The following TRAP1 variants were observed in gnomAD, a reference collection of about 807,000 sequenced individuals.
TRAP1 encodes heat shock protein 75 kDa, mitochondrial.
Under a neutral mutation model 89.1 loss-of-function variants are expected in TRAP1, and 102 were observed. That is an observed-to-expected ratio of 1.15 (90% CI 0.98 to 1.35). The LOEUF is 1.35. TRAP1 is among the 40% of genes most tolerant of loss of function. The pLI is 0.00. For synonymous variants in TRAP1, 508 were observed against 388.0 expected (o/e 1.31, Z -3.64); for missense variants, 1,256 against 945.3 (o/e 1.33, Z -4.31).
intron 12 of TRAP1, 59 bp from the exon 13 acceptor site, chr16:3,664,518 A>G: frequency 6.5e-7 from 1 of 1,527,372 alleles, no homozygotes; most frequent in Non-Finnish European, 8.8e-7. Context: ...ATGTTGCCCA[A>G]CTAACTGGGC....
chr16:3,694,419 C>G (rs1451055699), intron 1 of TRAP1, among the ~76,000 whole-genome samples: 2 of 152,066 alleles, frequency 1.3e-5, no homozygotes, highest in African/African-American at 2.4e-5. Context: ...TCTCAGCTCA[C>G]TGCAACCTCT....
At chr16:3,683,206 A>C (rs919805403) in intron 4 of TRAP1, among the ~76,000 whole-genome samples, 5 of 152,010 alleles carry the variant, frequency 3.3e-5, no homozygotes, top group African/African-American at 1.2e-4. Flanking sequence ...AAAACAAGGA[A>C]AGTCTGAGAA....
chr16:3,674,592 A>C, intron 8 of TRAP1, 98 bp from the exon 9 acceptor site: 1 of 1,452,692 alleles, frequency 6.9e-7, no homozygotes, highest in South Asian at 1.3e-5. Context: ...GGCCCTGGAC[A>C]GGCTCCTGGG....
chr16:3,667,758 T>A (rs868851850), intron 11 of TRAP1, among the ~76,000 whole-genome samples: 46,383 of 107,362 alleles, frequency 0.43, 8,207 homozygotes, highest in East Asian at 0.61. Context: ...AACACATCAA[T>A]TTTTTTTTTT....
At chr16:3,709,259 T>C (rs972146387) in intron 1 of TRAP1, among the ~76,000 whole-genome samples, 5 of 147,678 alleles carry the variant, frequency 3.4e-5, no homozygotes, top group Admixed American at 6.7e-5. Flanking sequence ...AAAAAGGCCA[T>C]TGGTTCAAGA....
chr16:3,713,862 G>A (rs1035419390), intron 1 of TRAP1, among the ~76,000 whole-genome samples: 1 of 152,214 alleles, frequency 6.6e-6, no homozygotes, highest in Non-Finnish European at 1.5e-5. Flanking sequence ...CCACGTGGCT[G>A]GGCTCCCCAC....
intron 8 of TRAP1, 147 bp from the exon 9 acceptor site, chr16:3,674,641 GCCCCAC>G: frequency 2.1e-6 from 2 of 949,322 alleles, no homozygotes; most frequent in Non-Finnish European, 3.1e-6. Context: ...CCCCTCTCCA[GCCCCAC>G]CGCTGGGCTA....
chr16:3,658,936 A>G (rs1416446537), intron 16 of TRAP1, 71 bp from the exon 17 acceptor site: 1 of 1,504,672 alleles, frequency 6.6e-7, no homozygotes, highest in Non-Finnish European at 9.2e-7. Flanking sequence ...ATGTTTTGGG[A>G]TTATCAGGAT....
intron 1 of TRAP1, among the ~76,000 whole-genome samples, chr16:3,709,057 C>T (rs2051490429): frequency 6.6e-6 from 1 of 151,558 alleles, no homozygotes; most frequent in Non-Finnish European, 1.5e-5. Flanking sequence ...CCTCATGATC[C>T]GCCCGCCTCG....
chr16:3,669,242 G>A (rs1488258751), intron 11 of TRAP1, among the ~76,000 whole-genome samples: 1 of 152,156 alleles, frequency 6.6e-6, no homozygotes, highest in African/African-American at 2.4e-5. Context: ...AGTGCACAGG[G>A]TCAGTACACC....
chr16:3,708,600 G>A (rs927763614), intron 1 of TRAP1, among the ~76,000 whole-genome samples: 1 of 152,036 alleles, frequency 6.6e-6, no homozygotes, highest in African/African-American at 2.4e-5. Flanking sequence ...TTGTACCACT[G>A]CACTCCAGCC....
At position 3,675,384 on chromosome 16, in the gene TRAP1, C is replaced by T; in HGVS notation, c.828G>A (p.Lys276=). Residue 276 remains lysine (K), a synonymous_variant, in exon 8 of 18, where the codon AAG becomes AAA. Coordinates refer to ENST00000246957, the MANE Select transcript of TRAP1 (RefSeq NM_016292.3). ...AGGGGAAGCTGACGAAGTTGCTGTA[C>T]TTCGTTACCACATCTGGAAGGGACA... ...SEARVRDVVT[K]YSNFVSFPLY... 6.2e-7 allele frequency: 1 copy of T among 1,614,114 alleles called. No individual in the cohort carries two copies. Among genetic ancestry groups the T allele is most frequent in the Non-Finnish European group, 8.5e-7 (1 of 1,179,956 alleles).
At chr16:3,693,720 C>T (rs779011791) in intron 1 of TRAP1, among the ~76,000 whole-genome samples, 83 of 152,282 alleles carry the variant, frequency 5.5e-4, no homozygotes, top group Middle Eastern at 3.4e-3. Context: ...GAGCCAGGCA[C>T]ACAACCTCAC....
At chr16:3,672,912 G>A in intron 9 of TRAP1, 92 bp from the exon 10 acceptor site, 1 of 1,466,148 alleles carries the variant, frequency 6.8e-7, no homozygotes, top group Non-Finnish European at 9.0e-7. Flanking sequence ...TGAATCCAGA[G>A]CCCACTCCCG....
chr16:3,677,252 C>T (rs933071298), intron 6 of TRAP1, among the ~76,000 whole-genome samples: 1 of 152,118 alleles, frequency 6.6e-6, no homozygotes, highest in Non-Finnish European at 1.5e-5. Flanking sequence ...GAGAAAGGAG[C>T]TCAGCGCGGG....
At position 3,710,873 on chromosome 16, in the gene TRAP1, A is replaced by ATTTTTTT. The variant is rs199927286; in HGVS notation, c.88+6547_88+6548insAAAAAAA. Among the ~76,000 whole-genome samples the ATTTTTTT allele has an allele frequency of 5.8e-3, 613 of 105,914 alleles. 9 individuals are homozygous for ATTTTTTT. The highest frequency in any genetic ancestry group is 0.028 in the African/African-American group (573 of 20,566). 69.5% of individuals were successfully genotyped at this position (105,914 alleles called of 152,430 possible). ...TGTGTGTGTGTATATATATATATAT[A>ATTTTTTT]TATATATTTTTTTTTTTGAGACACT... On this transcript the variant is annotated intron_variant, in intron 1 of 17. Transcript: ENST00000246957.
chr16:3,717,409 G>A lies in TRAP1; in HGVS notation c.88+12C>T. 3 of 1,129,358 alleles carry A rather than the reference G, an allele frequency of 2.7e-6. No homozygotes were observed. Among genetic ancestry groups the A allele is most frequent in the Non-Finnish European group, 3.4e-6 (3 of 891,774 alleles). 70.0% of individuals were successfully genotyped at this position (1,129,358 alleles called of 1,614,324 possible). A position where few individuals can be genotyped will look rare whatever the true frequency, so the allele number is the denominator to read the frequency against. Reference sequence around the variant, plus strand: ...GGCCCGCCCGCTGCCCGTCCAGCCAGGACGCCCTCACCTCCCGGCACGGCC... The same window carrying A: ...GGCCCGCCCGCTGCCCGTCCAGCCAAGACGCCCTCACCTCCCGGCACGGCC... On this transcript the variant is annotated intron_variant, in intron 1 of 17. Coordinates refer to ENST00000246957, the MANE Select transcript of TRAP1 (RefSeq NM_016292.3).
chr16:3,691,098 G>T (rs2051208646), intron 1 of TRAP1, 113 bp from the exon 2 acceptor site: 1 of 1,053,346 alleles, frequency 9.5e-7, no homozygotes, highest in Non-Finnish European at 1.3e-6. Flanking sequence ...TCTCTAAGTC[G>T]GGCTGTTGCT....
At chr16:3,708,161 G>A (rs554997919) in intron 1 of TRAP1, among the ~76,000 whole-genome samples, 39 of 152,124 alleles carry the variant, frequency 2.6e-4, no homozygotes, top group African/African-American at 9.4e-4. Flanking sequence ...TCGCACAACT[G>A]CACTCCAGCC....
Sources: gnomAD v4.1 joint callset for allele counts (sites outside exome capture counted in the v4.1 genomes callset) on GRCh38, gnomAD v4.1.1 for gene constraint, MANE v1.5 for transcripts, NCBI Gene and HGNC (gene_info 2026-07-23, HGNC 2026-07-21) for gene names.